DIS3L2: variants seen among roughly 807,000 people sequenced by gnomAD.
DIS3L2 encodes the protein DIS3 like 3'-5' exoribonuclease 2.
In DIS3L2, 34 loss-of-function variants were observed where a neutral mutation model predicts 97.5. The ratio of observed to expected loss-of-function variants is 0.35; its 90% CI spans 0.27 to 0.46. The LOEUF (loss-of-function observed/expected upper bound fraction) is 0.46. Among genes scored for constraint, DIS3L2 ranks in the 20% least tolerant of loss-of-function variants. DIS3L2 has a pLI of 1.00. For synonymous variants in DIS3L2, 435 were observed against 445.2 expected (o/e 0.98, Z 0.29); for missense variants, 1,038 against 1,146.0 (o/e 0.91, Z 1.36).
chr2:232,323,430 G>C (rs1173021190), intron 14 of DIS3L2, among the ~76,000 whole-genome samples: 2 of 152,184 alleles, frequency 1.3e-5, no homozygotes, highest in Non-Finnish European at 2.9e-5. Context: ...TGGCCATCTA[G>C]CCTCTGGGGA....
intron 5 of DIS3L2, among the ~76,000 whole-genome samples, chr2:232,076,184 A>C (rs1346623034): frequency 2.0e-5 from 3 of 152,168 alleles, no homozygotes; most frequent in African/African-American, 7.2e-5. Flanking sequence ...ATTATTTGCC[A>C]TTCCTAAAGG....
At chr2:232,189,453 A>G (rs919648233) in intron 9 of DIS3L2, among the ~76,000 whole-genome samples, 1 of 152,250 alleles carries the variant, frequency 6.6e-6, no homozygotes, top group Non-Finnish European at 1.5e-5. Flanking sequence ...CTCAAGGGTT[A>G]CATATGTACT....
At position 232,185,298 on chromosome 2, in the gene DIS3L2, T is replaced by G. The variant is rs79997226; in HGVS notation, c.1124+21666T>G. ...CTAGAAATCCATAACAGGACAATAG[T>G]AAAATATCTAGACACTTGGAAATTA... On this transcript the variant is annotated intron_variant, in intron 9 of 20. Coordinates refer to ENST00000325385, the MANE Select transcript of DIS3L2 (RefSeq NM_152383.5). Among the ~76,000 whole-genome samples the G allele has an allele frequency of 5.4e-3, 827 of 152,276 alleles. 3 individuals are homozygous for G. Among genetic ancestry groups the G allele is most frequent in the African/African-American group, 9.4e-3 (391 of 41,558 alleles).
At chr2:232,055,744 C>A (rs763435944) in intron 5 of DIS3L2, among the ~76,000 whole-genome samples, 2 of 152,096 alleles carry the variant, frequency 1.3e-5, no homozygotes, top group Non-Finnish European at 2.9e-5. Context: ...AGCACAGTTA[C>A]AATAGTTTGG....
At chr2:232,169,283 TCAAA>T (rs1222086206) in intron 9 of DIS3L2, among the ~76,000 whole-genome samples, 4 of 152,166 alleles carry the variant, frequency 2.6e-5, no homozygotes, top group African/African-American at 7.2e-5. Flanking sequence ...CAAACCTTTT[TCAAA>T]CATTTATTTG....
chr2:232,239,744 C>T (rs1282363789), intron 11 of DIS3L2, among the ~76,000 whole-genome samples: 1 of 152,186 alleles, frequency 6.6e-6, no homozygotes, highest in Non-Finnish European at 1.5e-5. Flanking sequence ...TAGCAAAGTG[C>T]CTACTTGATG....
chr2:232,336,323 G>A, intron 20 of DIS3L2, 146 bp from the exon 21 acceptor site: 2 of 1,547,680 alleles, frequency 1.3e-6, no homozygotes, highest in Non-Finnish European at 1.7e-6. Flanking sequence ...ATTCTTCCTG[G>A]AGGGGGCCCC....
downstream of DIS3L2, among the ~76,000 whole-genome samples, chr2:232,338,403 G>T (rs1696032659): frequency 6.6e-6 from 1 of 152,190 alleles, no homozygotes; most frequent in African/African-American, 2.4e-5. Flanking sequence ...GGGCTTGTTT[G>T]GGAAGCAGAT....
At chr2:232,035,399 C>T (rs1222270495) in intron 5 of DIS3L2, among the ~76,000 whole-genome samples, 8 of 152,122 alleles carry the variant, frequency 5.3e-5, no homozygotes, top group Non-Finnish European at 1.5e-5. Context: ...TGTCTCTGCA[C>T]GTGAGATGGC....
In DIS3L2 at chr2:231,993,198, C is replaced by CA. The variant is rs60646713; in HGVS notation, c.-93-21637_-93-21636insA. Among the ~76,000 whole-genome samples the CA allele has an allele frequency of 4.6e-5, 7 of 152,250 alleles. No homozygotes were observed. The East Asian group carries it at 1.4e-3, about 29-fold the overall frequency. ...ACCCTGTCCTGGTGCATGTAACTCC[C>CA]GTCCATCCAATTATGTAAGCTAGAA... On this transcript the variant is annotated intron_variant, in intron 1 of 20. Transcript: ENST00000325385.
At position 231,970,846 on chromosome 2, in the gene DIS3L2, ATACT is replaced by A. The variant is rs541413143; in HGVS notation, c.-94+9084_-94+9087del. ...TTTTTATATTTTGATTCTTATAATA[ATACT>A]TAGCTTAAAACACAAACACATTGTA... On this transcript the variant is annotated intron_variant, in intron 1 of 20. Transcript: ENST00000325385. Among the ~76,000 whole-genome samples the A allele has an allele frequency of 4.7e-3, 723 of 152,318 alleles. 2 individuals carry two copies. Among genetic ancestry groups the A allele is most frequent in the Non-Finnish European group, 8.2e-3 (561 of 68,024 alleles).
chr2:232,342,182 C>T (rs115973277), downstream of DIS3L2, among the ~76,000 whole-genome samples: 1,115 of 150,526 alleles, frequency 7.4e-3, 16 homozygotes, highest in African/African-American at 0.027. Context: ...CATATATACA[C>T]GTATACATAT....
In DIS3L2 at chr2:232,210,336, A is replaced by G. The variant is rs775307020; in HGVS notation, c.1135A>G (p.Ile379Val). The change falls in exon 10 of 21, where the codon ATC (isoleucine) becomes GTC (valine). Residue 379 changes from isoleucine to valine, a missense_variant. By Grantham distance (29) the Ile-to-Val change is conservative. Coordinates refer to ENST00000325385, the MANE Select transcript of DIS3L2 (RefSeq NM_152383.5). ...SKRRDLRKDCIFTIDPSTARD... is the reference protein window; with the variant it reads ...SKRRDLRKDCVFTIDPSTARD... ...TTCACTCTTTCCTAGAAAAGACTGTATCTTCACCATTGACCCATCAACCGC... is the reference window on the plus strand; with the variant it reads ...TTCACTCTTTCCTAGAAAAGACTGTGTCTTCACCATTGACCCATCAACCGC... 10 of 1,613,284 alleles carry G rather than the reference A, an allele frequency of 6.2e-6. No homozygotes were observed. Among genetic ancestry groups the G allele is most frequent in the Non-Finnish European group, 8.5e-6 (10 of 1,179,440 alleles).
chr2:231,989,067 A>G (rs1693505659), intron 1 of DIS3L2, among the ~76,000 whole-genome samples: 1 of 152,132 alleles, frequency 6.6e-6, no homozygotes, highest in African/African-American at 2.4e-5. Context: ...TTTTGAGACT[A>G]GTGTATGGAG....
intron 6 of DIS3L2, among the ~76,000 whole-genome samples, chr2:232,121,721 T>C (rs1027384431): frequency 3.9e-5 from 6 of 152,134 alleles, no homozygotes; most frequent in Admixed American, 3.9e-4. Flanking sequence ...CTGTAGGTCA[T>C]GGACGGTGCC....
intron 1 of DIS3L2, among the ~76,000 whole-genome samples, chr2:231,974,506 A>G (rs988458629): frequency 1.4e-5 from 2 of 144,786 alleles, no homozygotes; most frequent in Middle Eastern, 3.4e-3. Context: ...ATCTCAGTTG[A>G]CATGGTTTTT....
intron 6 of DIS3L2, among the ~76,000 whole-genome samples, chr2:232,093,872 G>C (rs1020177906): frequency 6.6e-6 from 1 of 151,924 alleles, no homozygotes; most frequent in African/African-American, 2.4e-5. Flanking sequence ...CTTCTGCTCT[G>C]ACCTTTATTA....
intron 11 of DIS3L2, among the ~76,000 whole-genome samples, chr2:232,245,609 A>G (rs987796445): frequency 1.3e-5 from 2 of 152,256 alleles, no homozygotes; most frequent in Non-Finnish European, 2.9e-5. Flanking sequence ...ATTCTGCTTT[A>G]AGACCTGGTA....
At chr2:232,094,589 G>T (rs537875023) in intron 6 of DIS3L2, among the ~76,000 whole-genome samples, 1 of 151,786 alleles carries the variant, frequency 6.6e-6, no homozygotes, top group African/African-American at 2.4e-5. Flanking sequence ...ATGGTGGTGC[G>T]CACCTATAAA....
Sources: gnomAD v4.1 joint callset for allele counts (sites outside exome capture counted in the v4.1 genomes callset) on GRCh38, gnomAD v4.1.1 for gene constraint, MANE v1.5 for transcripts, NCBI Gene and HGNC (gene_info 2026-07-23, HGNC 2026-07-21) for gene names.